MCPH1: variants seen among roughly 807,000 people sequenced by gnomAD.
MCPH1 encodes the protein microcephalin 1.
MCPH1 carries 104 observed loss-of-function variants against 84.5 expected under a neutral mutation model. That is an observed-to-expected ratio of 1.23 (90% CI 1.05 to 1.45). MCPH1 has a LOEUF of 1.45. Ranked by LOEUF, MCPH1 falls within the 40% of genes most tolerant of loss-of-function variation. The pLI is 0.00. For synonymous variants in MCPH1, 514 were observed against 366.8 expected, an observed-to-expected ratio of 1.40 and a Z score of -4.58; for missense variants, 1,498 against 1,005.7, an observed-to-expected ratio of 1.49 and a Z score of -6.62.
intron 9 of MCPH1, among the ~76,000 whole-genome samples, chr8:6,465,234 T>C (rs1271797421): frequency 2.0e-5 from 3 of 152,214 alleles, no homozygotes; most frequent in Non-Finnish European, 4.4e-5. Flanking sequence ...AGTAGCAAAC[T>C]TGAATCCTTA....
chr8:6,556,013 G>A (rs1001381670), intron 12 of MCPH1, among the ~76,000 whole-genome samples: 1 of 152,128 alleles, frequency 6.6e-6, no homozygotes, highest in Non-Finnish European at 1.5e-5. Flanking sequence ...CTGCTGTGGG[G>A]ACTTGGTATC....
intron 8 of MCPH1, among the ~76,000 whole-genome samples, chr8:6,452,090 G>A (rs780233131): frequency 1.1e-4 from 16 of 152,060 alleles, no homozygotes; most frequent in South Asian, 6.2e-4. Context: ...TCTTTTCATC[G>A]TCCACTTCTT....
chr8:6,453,033 T>C (rs1805264579), intron 8 of MCPH1, among the ~76,000 whole-genome samples: 1 of 152,214 alleles, frequency 6.6e-6, no homozygotes, highest in African/African-American at 2.4e-5. Flanking sequence ...TGGACGACTT[T>C]ATGGGAAGTG....
rs576554221 is a variant in MCPH1 at position 6,448,788 on chromosome 8, A to T, written c.1825+3241A>T. On this transcript the variant is annotated intron_variant, in intron 8 of 13. Transcript: ENST00000344683. ...ATCTTCATTTTCTAATAGAGCCTAT[A>T]GGTAGGGTCAGCACACTTTTTCTGT... 2.6e-5 allele frequency among the ~76,000 whole-genome samples: 4 copies of T among 152,326 alleles called. No homozygotes were observed. In the East Asian group the frequency reaches 5.8e-4, roughly 22 times the overall value.
At chr8:6,613,299 C>G (rs76383420) in intron 12 of MCPH1, among the ~76,000 whole-genome samples, 2 of 152,190 alleles carry the variant, frequency 1.3e-5, no homozygotes, top group East Asian at 3.9e-4. Flanking sequence ...GATAGAAACA[C>G]GGAGGGCCAC....
chr8:6,638,578 TA>T (rs60063681), intron 13 of MCPH1, among the ~76,000 whole-genome samples: 46,356 of 144,738 alleles, frequency 0.32, 7,494 homozygotes, highest in Non-Finnish European at 0.38. Context: ...TGCTTACATT[TA>T]AAAAAAAAAA....
At chr8:6,419,287 G>T (rs1436963402) in intron 3 of MCPH1, among the ~76,000 whole-genome samples, 2 of 152,000 alleles carry the variant, frequency 1.3e-5, no homozygotes, top group Non-Finnish European at 2.9e-5. Flanking sequence ...TGACTCAGTT[G>T]CAGCTTACTG....
chr8:6,446,334 A>T, intron 8 of MCPH1: 2 of 985,210 alleles, frequency 2.0e-6, no homozygotes, highest in Non-Finnish European at 2.4e-6. Context: ...AATTTGAGTG[A>T]GAACGCATTC....
chr8:6,462,267 G>T (rs1346810165), intron 9 of MCPH1, among the ~76,000 whole-genome samples: 1 of 152,144 alleles, frequency 6.6e-6, no homozygotes, highest in Non-Finnish European at 1.5e-5. Context: ...GCTGATAGTT[G>T]CTTGTTCTTA....
intron 3 of MCPH1, among the ~76,000 whole-genome samples, chr8:6,418,957 C>T (rs982404793): frequency 3.9e-5 from 6 of 152,032 alleles, no homozygotes; most frequent in African/African-American, 1.5e-4. Context: ...TTGGCCTTTT[C>T]AACAGATTCA....
At chr8:6,609,504 G>T (rs189422015) in intron 12 of MCPH1, among the ~76,000 whole-genome samples, 4 of 152,180 alleles carry the variant, frequency 2.6e-5, no homozygotes, top group Non-Finnish European at 4.4e-5. Flanking sequence ...CAAGTTTGGC[G>T]CTCATTGAGT....
intron 11 of MCPH1, among the ~76,000 whole-genome samples, chr8:6,496,399 C>T (rs1312001006): frequency 2.0e-5 from 3 of 152,206 alleles, no homozygotes; most frequent in South Asian, 2.1e-4. Context: ...ACCCACCACT[C>T]ACCTCCTGCT....
chr8:6,461,225 C>G (rs902601800), intron 9 of MCPH1, among the ~76,000 whole-genome samples: 10 of 151,712 alleles, frequency 6.6e-5, no homozygotes, highest in Non-Finnish European at 1.3e-4. Context: ...TGGTGTAATG[C>G]CCATTTTTAA....
At chr8:6,624,949 C>T (rs1415431764) in intron 13 of MCPH1, 1 of 765,400 alleles carries the variant, frequency 1.3e-6, no homozygotes, top group East Asian at 1.3e-4. Context: ...GATCTCAGCT[C>T]ACTGCAACCT....
intron 12 of MCPH1, among the ~76,000 whole-genome samples, chr8:6,554,406 A>G (rs1400512082): frequency 1.3e-5 from 2 of 152,100 alleles, no homozygotes; most frequent in Non-Finnish European, 2.9e-5. Flanking sequence ...TTATCAGCCC[A>G]CAGGAAATGA....
intron 12 of MCPH1, among the ~76,000 whole-genome samples, chr8:6,557,340 C>A (rs533828814): frequency 3.3e-5 from 5 of 152,114 alleles, no homozygotes; most frequent in Non-Finnish European, 5.9e-5. Context: ...TACTTGTGTA[C>A]TAGAGATATT....
intron 12 of MCPH1, among the ~76,000 whole-genome samples, chr8:6,608,056 C>G (rs960806183): frequency 6.6e-6 from 1 of 152,184 alleles, no homozygotes; most frequent in African/African-American, 2.4e-5. Context: ...GAGGGGAGTG[C>G]TCACCTCCAG....
At chr8:6,432,923 C>T (rs763061129) in intron 4 of MCPH1, among the ~76,000 whole-genome samples, 45 of 152,216 alleles carry the variant, frequency 3.0e-4, no homozygotes, top group Non-Finnish European at 4.9e-4. Flanking sequence ...ACAGACATCT[C>T]TTTGATTGCC....
intron 9 of MCPH1, among the ~76,000 whole-genome samples, chr8:6,474,673 G>C (rs1204446683): frequency 2.0e-5 from 3 of 152,126 alleles, no homozygotes; most frequent in Admixed American, 1.3e-4. Flanking sequence ...AATCTGTATA[G>C]CTTTTGTAAG....
Sources: gnomAD v4.1 joint callset for allele counts (sites outside exome capture counted in the v4.1 genomes callset) on GRCh38, gnomAD v4.1.1 for gene constraint, MANE v1.5 for transcripts, NCBI Gene and HGNC (gene_info 2026-07-23, HGNC 2026-07-21) for gene names.